TMIGD3: variants seen among roughly 807,000 people sequenced by gnomAD.
TMIGD3 encodes AD026 protein (AD026).
In TMIGD3, 21 loss-of-function variants were observed where a neutral mutation model predicts 28.1. That is an observed-to-expected ratio of 0.75 (90% confidence interval 0.53 to 1.08). The LOEUF (loss-of-function observed/expected upper bound fraction) is 1.08, where lower values mean the gene tolerates loss of function less well. TMIGD3 is among the 50% of genes least tolerant of loss of function. TMIGD3 has a pLI of 0.00. For missense variants in TMIGD3, 416 were observed against 435.6 expected, an observed-to-expected ratio of 0.96 and a Z score of 0.40; for synonymous variants, 151 against 162.1, an observed-to-expected ratio of 0.93 and a Z score of 0.52.
chr1:111,547,491 A>G (rs1056509515), intron 1 of TMIGD3, among the ~76,000 whole-genome samples: 26 of 152,214 alleles, frequency 1.7e-4, no homozygotes, highest in African/African-American at 6.0e-4. Context: ...GTTAAAAAAT[A>G]TAAAATATAA....
chr1:111,503,909 G>A, upstream of TMIGD3: 1 of 987,330 alleles, frequency 1.0e-6, no homozygotes. Flanking sequence ...TGCAGGATCA[G>A]GTGGGAGCAG....
chr1:111,541,519 G>A (rs1265160159), intron 1 of TMIGD3, among the ~76,000 whole-genome samples: 3 of 152,196 alleles, frequency 2.0e-5, no homozygotes, highest in Non-Finnish European at 4.4e-5. Context: ...ATGCCAAGTT[G>A]GAGGTGTCAA....
At chr1:111,532,383 TCCAGGC>T (rs1656487391) in intron 1 of TMIGD3, among the ~76,000 whole-genome samples, 1 of 152,152 alleles carries the variant, frequency 6.6e-6, no homozygotes, top group Admixed American at 6.6e-5. Context: ...ATGAAGTCCA[TCCAGGC>T]CCAGGAAAAA....
chr1:111,558,983 C>T (rs1657625619), intron 1 of TMIGD3, among the ~76,000 whole-genome samples: 1 of 152,086 alleles, frequency 6.6e-6, no homozygotes, highest in Non-Finnish European at 1.5e-5. Flanking sequence ...TATATTCTAA[C>T]ATATTAAAAA....
At chr1:111,522,968 T>C (rs1283627831) in intron 1 of TMIGD3, among the ~76,000 whole-genome samples, 1 of 152,222 alleles carries the variant, frequency 6.6e-6, no homozygotes, top group Non-Finnish European at 1.5e-5. Context: ...TCAATCAGAA[T>C]GTCTATTACT....
intron 1 of TMIGD3, among the ~76,000 whole-genome samples, chr1:111,494,316 T>C (rs1004786654): frequency 3.9e-5 from 6 of 152,186 alleles, no homozygotes; most frequent in Admixed American, 6.5e-5. Context: ...GAAAACCCCA[T>C]AGTCTCAGCC....
intron 1 of TMIGD3, chr1:111,499,308 G>A (rs1432546398): frequency 2.1e-6 from 1 of 466,432 alleles, no homozygotes; most frequent in African/African-American, 2.1e-5. Flanking sequence ...GTGTTCTGGG[G>A]CTAAGAGTAA....
chr1:111,504,404 C>T (rs10776727), upstream of TMIGD3, among the ~76,000 whole-genome samples: 2 of 151,946 alleles, frequency 1.3e-5, no homozygotes, highest in African/African-American at 4.8e-5. Context: ...GCCCCATCCC[C>T]GCAGGAACAG....
In TMIGD3 at chr1:111,485,725, A is replaced by AAAAAAT; in HGVS notation, c.973+14_973+15insATTTTT. The AAAAAAT allele has an allele frequency of 7.0e-6, 10 of 1,419,090 alleles. No individual in the cohort carries two copies. Among genetic ancestry groups the AAAAAAT allele is most frequent in the African/African-American group, 2.9e-5 (2 of 68,738 alleles). The allele number at this position is 1,419,090 out of a possible 1,614,324, so 87.9% of individuals were successfully genotyped here. On this transcript the variant is annotated intron_variant, in intron 5 of 5. Transcript: ENST00000369716. Reference sequence around the variant, plus strand: ...TAATTCTTGCCCACCCCCTCCCTCAACAATAGCTACTTACCCCTTCTATTC... The same window carrying AAAAAAT: ...TAATTCTTGCCCACCCCCTCCCTCAAAAAAATCAATAGCTACTTACCCCTTCTATTC...
chr1:111,545,803 T>C (rs1657014087), intron 1 of TMIGD3, among the ~76,000 whole-genome samples: 1 of 152,140 alleles, frequency 6.6e-6, no homozygotes, highest in South Asian at 2.1e-4. Flanking sequence ...TTGTATACAG[T>C]GTAAGCTGGG....
chr1:111,560,451 C>G (rs1484583369), intron 1 of TMIGD3, among the ~76,000 whole-genome samples: 1 of 151,162 alleles, frequency 6.6e-6, no homozygotes, highest in Non-Finnish European at 1.5e-5. Flanking sequence ...GAAAGAAGCC[C>G]TTGGTAGCAG....
intron 1 of TMIGD3, among the ~76,000 whole-genome samples, chr1:111,529,064 C>T (rs1656363564): frequency 6.6e-6 from 1 of 151,864 alleles, no homozygotes; most frequent in Non-Finnish European, 1.5e-5. Flanking sequence ...TGATAGGAGA[C>T]ATTCTTGCCT....
rs888764847 is a variant in TMIGD3, at chr1:111,513,975, A to C, written c.108-23213T>G. On this transcript the variant is annotated intron_variant, in intron 1 of 5. Coordinates refer to the TMIGD3 transcript ENST00000369717. ...GGGGCTGTGGGAAGAAGGTCCAAGA[A>C]TCTCAGGGAGGAGGGCAAAGGGTGA... 3.9e-5 allele frequency among the ~76,000 whole-genome samples: 6 copies of C among 152,262 alleles called. No individual in the cohort carries two copies. The South Asian group carries it at 1.2e-3, about 32-fold the overall frequency.
At chr1:111,541,607 ATCAC>A (rs1464588581) in intron 1 of TMIGD3, among the ~76,000 whole-genome samples, 1 of 152,142 alleles carries the variant, frequency 6.6e-6, no homozygotes, top group Non-Finnish European at 1.5e-5. Flanking sequence ...CCATTTGGAA[ATCAC>A]TCACACGTAC....
chr1:111,536,341 C>G (rs1319674937), intron 1 of TMIGD3, among the ~76,000 whole-genome samples: 5 of 151,924 alleles, frequency 3.3e-5, no homozygotes, highest in African/African-American at 1.2e-4. Context: ...CCACATTTTT[C>G]AGATGAGGAA....
At chr1:111,535,574 C>G (rs1318436215) in intron 1 of TMIGD3, among the ~76,000 whole-genome samples, 1 of 152,160 alleles carries the variant, frequency 6.6e-6, no homozygotes, top group Non-Finnish European at 1.5e-5. Flanking sequence ...GTAGGCAGAG[C>G]AAATGTTTAA....
upstream of TMIGD3, chr1:111,503,865 A>G: frequency 1.0e-6 from 1 of 994,434 alleles, no homozygotes; most frequent in South Asian, 4.4e-5. Context: ...AAGATTGGGT[A>G]TCAGAGTTCA....
chr1:111,493,702 T>G (rs1212657924), intron 1 of TMIGD3, among the ~76,000 whole-genome samples: 1 of 152,188 alleles, frequency 6.6e-6, no homozygotes, highest in Non-Finnish European at 1.5e-5. Flanking sequence ...AATCTGATCT[T>G]ACAAATGAAG....
intron 1 of TMIGD3, among the ~76,000 whole-genome samples, chr1:111,561,698 A>G (rs1388945775): frequency 6.6e-6 from 1 of 152,082 alleles, no homozygotes; most frequent in African/African-American, 2.4e-5. Flanking sequence ...CTTCTCATTT[A>G]TGGAAGTGTC....
Sources: gnomAD v4.1 joint callset for allele counts (sites outside exome capture counted in the v4.1 genomes callset) on GRCh38, gnomAD v4.1.1 for gene constraint, MANE v1.5 for transcripts, NCBI Gene and HGNC (gene_info 2026-07-23, HGNC 2026-07-21) for gene names.